Variants in RBBP5 observed in about 807,000 individuals in gnomAD.
RBBP5 encodes retinoblastoma-binding protein 5.
A neutral mutation model predicts 72.2 loss-of-function variants in RBBP5; 5 were observed. The ratio of observed to expected loss-of-function variants is 0.07; its 90% CI spans 0.04 to 0.15. The LOEUF (loss-of-function observed/expected upper bound fraction) is 0.15. RBBP5 is among the 10% of genes least tolerant of loss of function. The probability of loss-of-function intolerance (pLI) is 1.00; values close to 1 mark genes in which losing one functional copy is unlikely to be tolerated. For synonymous variants in RBBP5, 209 were observed against 237.2 expected (o/e 0.88, Z 1.09); for missense variants, 322 against 652.2 (o/e 0.49, Z 5.51).
At chr1:205,104,994 AC>A in intron 4 of RBBP5, 33 bp downstream of exon 4, 2 of 1,607,584 alleles carry the variant, frequency 1.2e-6, no homozygotes, top group South Asian at 2.2e-5. Context: ...ATAGAATTAG[AC>A]CCCACCCCAG....
intron 1 of RBBP5, 29 bp from the exon 2 acceptor site, chr1:205,115,912 G>A (rs1558582531): frequency 6.2e-7 from 1 of 1,613,662 alleles, no homozygotes; most frequent in Non-Finnish European, 8.5e-7. Context: ...AGAGTTGATG[G>A]CACATGTACC....
chr1:205,102,885 C>T (rs1449899231), intron 5 of RBBP5, among the ~76,000 whole-genome samples: 2 of 150,918 alleles, frequency 1.3e-5, no homozygotes, highest in East Asian at 1.9e-4. Context: ...CCCAGCTACT[C>T]GGGAGGCTGA....
chr1:205,096,002 G>C (rs1655599577), intron 12 of RBBP5, among the ~76,000 whole-genome samples: 1 of 152,038 alleles, frequency 6.6e-6, no homozygotes, highest in Non-Finnish European at 1.5e-5. Context: ...AGACCAGCCT[G>C]GCCAACACGG....
chr1:205,107,909 G>A (rs966777173), intron 3 of RBBP5, among the ~76,000 whole-genome samples: 4 of 142,346 alleles, frequency 2.8e-5, no homozygotes, highest in Non-Finnish European at 6.0e-5. Context: ...TCGCGCTATT[G>A]CACTCCAGCC....
intron 4 of RBBP5, 92 bp from the exon 5 acceptor site, chr1:205,104,111 A>T: frequency 1.5e-6 from 2 of 1,337,540 alleles, no homozygotes; most frequent in South Asian, 3.3e-5. Context: ...CCATACCCTC[A>T]TCAATTCTCC....
At chr1:205,120,722 C>T (rs1213076331) in intron 1 of RBBP5, among the ~76,000 whole-genome samples, 5 of 151,780 alleles carry the variant, frequency 3.3e-5, no homozygotes, top group African/African-American at 1.2e-4. Flanking sequence ...ACAGAGGTTG[C>T]AGTGAGCCAA....
At chr1:205,119,126 C>G (rs1054061379) in intron 1 of RBBP5, among the ~76,000 whole-genome samples, 3 of 152,184 alleles carry the variant, frequency 2.0e-5, no homozygotes, top group Non-Finnish European at 4.4e-5. Flanking sequence ...GGCACAGTGG[C>G]TCACACCTGT....
chr1:205,111,762 C>T (rs1656322575), intron 3 of RBBP5, among the ~76,000 whole-genome samples: 2 of 152,178 alleles, frequency 1.3e-5, no homozygotes, highest in Admixed American at 6.6e-5. Flanking sequence ...ATGTGACTTT[C>T]CTGCCAAAAT....
At chr1:205,116,425 T>C (rs999106360) in intron 1 of RBBP5, 5 of 217,726 alleles carry the variant, frequency 2.3e-5, no homozygotes, top group Middle Eastern at 5.5e-4. Context: ...AGGATCCTGA[T>C]ACTAAAAAGT....
chr1:205,105,179 A>G lies in RBBP5; in HGVS notation c.219-11T>C. The G allele has an allele frequency of 6.2e-7, 1 of 1,606,004 alleles. No individual in the cohort carries two copies. The highest frequency in any genetic ancestry group is 8.5e-7 in the Non-Finnish European group (1 of 1,177,058). ...CCATCTCGGCTCCAGCTGAGGAAAA[A>G]AAAGGGGTAATTTAGCACATATTCT... is the stretch of plus-strand genomic sequence containing the variant. On this transcript the variant is annotated splice_polypyrimidine_tract_variant and intron_variant, in intron 3 of 13. Transcript: ENST00000264515.
In RBBP5 at chr1:205,086,259, T is replaced by G. The variant is rs1328191968; in HGVS notation, c.*2528A>C. The stretch of plus-strand genomic sequence containing the variant: ...TTTTTTTTTTTTTTTTTTTTTGAGA[T>G]GGAGTCTTGCTCTGTCACCCAGGCT... On this transcript the variant is annotated 3_prime_UTR_variant, in exon 14 of 14. Transcript: ENST00000264515. 1 of 137,612 alleles carries G rather than the reference T, an allele frequency of 7.3e-6. No homozygotes were observed. The highest frequency in any genetic ancestry group is 8.1e-5 in the Admixed American group (1 of 12,412). The allele number at this position is 137,612 out of a possible 1,614,324, so 8.5% of individuals were successfully genotyped here.
At chr1:205,117,064 T>C (rs1462366868) in intron 1 of RBBP5, among the ~76,000 whole-genome samples, 1 of 152,074 alleles carries the variant, frequency 6.6e-6, no homozygotes. Flanking sequence ...GTTTGTTTGT[T>C]TGTTTGAGAC....
intron 12 of RBBP5, among the ~76,000 whole-genome samples, chr1:205,095,738 T>G (rs1359513644): frequency 6.6e-6 from 1 of 152,200 alleles, no homozygotes; most frequent in East Asian, 1.9e-4. Context: ...AACCTCAGCC[T>G]AAATTTTCTC....
At position 205,101,693 on chromosome 1, in the gene RBBP5, G is replaced by C; in HGVS notation, c.539C>G (p.Thr180Arg). 6.2e-7 allele frequency: 1 copy of C among 1,612,682 alleles called. No individual in the cohort carries two copies. The highest frequency in any genetic ancestry group is 8.5e-7 in the Non-Finnish European group (1 of 1,179,360). ...NAKGKILVLK[T>R]DSQDLVASFR... ...GGAAGCAACAAGATCCTGAGAATCT[G>C]TTTTTAGGACCAAAATCTAAAGTTT... The change falls in exon 6 of 14, where the codon ACA becomes AGA. Residue 180 changes from threonine (T) to arginine (R), a missense_variant. Thr to Arg is a moderately conservative substitution (Grantham distance 71). Transcript: ENST00000264515.
At chr1:205,106,528 G>A (rs1307243508) in intron 3 of RBBP5, among the ~76,000 whole-genome samples, 1 of 152,134 alleles carries the variant, frequency 6.6e-6, no homozygotes, top group Admixed American at 6.5e-5. Context: ...AACCTGGGAG[G>A]CAGAAGTTGC....
At chr1:205,104,119 TCCCA>T in intron 4 of RBBP5, 100 bp from the exon 5 acceptor site, 1 of 1,264,718 alleles carries the variant, frequency 7.9e-7, no homozygotes, top group Non-Finnish European at 1.1e-6. Context: ...TCATCAATTC[TCCCA>T]CCCAAGCAAA....
Position 205,094,914 on chromosome 1 carries a change from G to A in RBBP5, c.1547C>T (p.Ala516Val), listed in dbSNP as rs765781318. The A allele has an allele frequency of 1.2e-6, 2 of 1,614,144 alleles. No homozygotes were observed. The highest frequency in any genetic ancestry group is 1.7e-6 in the Non-Finnish European group (2 of 1,180,024). The change falls in exon 13 of 14, where the codon GCG (alanine) becomes GTG (valine). Residue 516 changes from alanine (A) to valine (V), a missense_variant. Coordinates refer to ENST00000264515, the MANE Select transcript of RBBP5 (RefSeq NM_005057.4). ...GDRGLPLEGS[A>V]KGKVQAELSQ... ...GAGTTCCGCCTGCACTTTACCCTTC[G>A]CTGATCCTTCCAGAGGTAAACCTCT...
intron 13 of RBBP5, among the ~76,000 whole-genome samples, chr1:205,089,875 G>C (rs1019467464): frequency 6.6e-6 from 1 of 151,926 alleles, no homozygotes; most frequent in Non-Finnish European, 1.5e-5. Context: ...TTTTTAGACA[G>C]AGTTTCACTC....
chr1:205,088,445 A>G lies in RBBP5; in HGVS notation c.*342T>C, dbSNP rs2151210672. On this transcript the variant is annotated 3_prime_UTR_variant, in exon 14 of 14. Transcript: ENST00000264515. ...AGATAGGAAATGACATGTCAAAATGACGCTGGGTACAATGAAGTTAGATGA... is the reference window on the plus strand; with the variant it reads ...AGATAGGAAATGACATGTCAAAATGGCGCTGGGTACAATGAAGTTAGATGA... 2 of 230,756 alleles carry G rather than the reference A, an allele frequency of 8.7e-6. No individual in the cohort carries two copies. The highest frequency in any genetic ancestry group is 1.7e-4 in the South Asian group (2 of 11,552). The allele number at this position is 230,756 out of a possible 1,614,324, so 14.3% of individuals were successfully genotyped here. A position where few individuals can be genotyped will look rare whatever the true frequency, so the allele number is the denominator to read the frequency against.
Sources: allele counts gnomAD v4.1 joint callset (sites outside exome capture counted in the v4.1 genomes callset), GRCh38; gene constraint gnomAD v4.1.1; transcripts MANE v1.5; gene names NCBI Gene and HGNC (gene_info 2026-07-23, HGNC 2026-07-21).